DEPDC7: variants seen among roughly 807,000 people sequenced by gnomAD.
DEPDC7 encodes the protein DEP domain-containing protein 7.
DEPDC7 carries 41 observed loss-of-function variants against 56.6 expected under a neutral mutation model. The observed-to-expected ratio is 0.72, with a 90% CI of 0.56 to 0.94. The LOEUF is 0.94. DEPDC7 is among the 40% of genes least tolerant of loss of function. The pLI is 0.00. For missense variants in DEPDC7, 522 were observed against 596.3 expected, an observed-to-expected ratio of 0.88 and a Z score of 1.30; for synonymous variants, 185 against 208.8, an observed-to-expected ratio of 0.89 and a Z score of 0.98.
At position 33,027,689 on chromosome 11, in the gene DEPDC7, T is replaced by G. The variant is rs1408901618; in HGVS notation, c.468T>G (p.Tyr156Ter). The G allele has an allele frequency of 6.6e-6, 10 of 1,517,880 alleles. No individual in the cohort carries two copies. Among genetic ancestry groups the G allele is most frequent in the Non-Finnish European group, 8.8e-6 (10 of 1,140,624 alleles). 94.0% of individuals were successfully genotyped at this position (1,517,880 alleles called of 1,614,324 possible). The part of the protein sequence containing the change: ...KENKLYSPAR[Y>*]ADALFKSSDI... ...TTCTGAAATAAATTCATTTTAGGTA[T>G]GCAGATGCATTATTTAAGTCATCCG... Residue 156 changes from tyrosine to a stop codon, truncating the protein, a stop_gained, in exon 3 of 9, where the codon TAT becomes TAG. Coordinates refer to ENST00000241051, the MANE Select transcript of DEPDC7 (RefSeq NM_001077242.2). LOFTEE classifies it high-confidence loss of function.
intron 2 of DEPDC7, among the ~76,000 whole-genome samples, chr11:33,027,041 A>T (rs779018542): frequency 3.3e-5 from 5 of 152,206 alleles, no homozygotes; most frequent in Non-Finnish European, 7.3e-5. Context: ...GCAGGTCCAC[A>T]CACTTTATCT....
chr11:33,026,041 A>G lies in DEPDC7; in HGVS notation c.456A>G (p.Ser152=). Residue 152 remains serine (S), a synonymous_variant, in exon 2 of 9, where the codon TCA becomes TCG. Transcript: ENST00000241051. ...TAGGCAAAGAGAACAAACTATATTC[A>G]CCTGCCAGGTTGGTATATAATGTTA... ...SQLGKENKLY[S]PARYADALFK... The G allele has an allele frequency of 3.1e-6, 5 of 1,613,884 alleles. No homozygotes were observed. The highest frequency in any genetic ancestry group is 4.2e-6 in the Non-Finnish European group (5 of 1,180,006).
chr11:33,021,607 C>G (rs1387332566), intron 1 of DEPDC7, among the ~76,000 whole-genome samples: 1 of 152,170 alleles, frequency 6.6e-6, no homozygotes, highest in Non-Finnish European at 1.5e-5. Context: ...ATTTACTTGT[C>G]AAGTCCAGGG....
chr11:33,028,379 G>T, intron 3 of DEPDC7: 1 of 414,896 alleles, frequency 2.4e-6, no homozygotes, highest in Non-Finnish European at 4.2e-6. Context: ...GCTTTTTACA[G>T]TACAAAGAAT....
Position 33,032,399 on chromosome 11 carries a change from A to C in DEPDC7, c.1058A>C (p.Gln353Pro). 2 of 1,581,152 alleles carry C rather than the reference A, an allele frequency of 1.3e-6. No homozygotes were observed. The highest frequency in any genetic ancestry group is 1.7e-6 in the Non-Finnish European group (2 of 1,171,734). Residue 353 changes from glutamine to proline, a missense_variant, in exon 6 of 9, where the codon CAA becomes CCA. Physicochemically the swap from Gln to Pro is moderately conservative, Grantham distance 76. Transcript: ENST00000241051. ...CTCCTTCTAAAGCTTTTAGATTTCCAAAATAGAGAAGAATTTAGAAGACTA... is the reference window on the plus strand; with the variant it reads ...CTCCTTCTAAAGCTTTTAGATTTCCCAAATAGAGAAGAATTTAGAAGACTA... ...TQLLLKLLDF[Q>P]NREEFRRLLY...
chr11:33,031,208 A>T (rs1314181623), intron 4 of DEPDC7, among the ~76,000 whole-genome samples, 170 bp from the exon 5 acceptor site: 2 of 152,264 alleles, frequency 1.3e-5, no homozygotes, highest in Non-Finnish European at 1.5e-5. Context: ...GTGATACGTG[A>T]TCTAGCTATA....
At chr11:33,018,919 A>G (rs1853494271) in intron 1 of DEPDC7, among the ~76,000 whole-genome samples, 1 of 152,194 alleles carries the variant, frequency 6.6e-6, no homozygotes, top group Non-Finnish European at 1.5e-5. Flanking sequence ...ACATTTTGCG[A>G]GACACATTAA....
chr11:33,019,420 C>G (rs1201082783), intron 1 of DEPDC7, among the ~76,000 whole-genome samples: 1 of 151,940 alleles, frequency 6.6e-6, no homozygotes, highest in African/African-American at 2.4e-5. Context: ...AATGCCAGCA[C>G]TTTGGGAGGT....
chr11:33,027,494 A>G (rs1853590896), intron 2 of DEPDC7, among the ~76,000 whole-genome samples, 192 bp from the exon 3 acceptor site: 1 of 152,242 alleles, frequency 6.6e-6, no homozygotes, highest in South Asian at 2.1e-4. Flanking sequence ...GAAAATATTC[A>G]AAGGAGAACA....
At chr11:33,032,066 A>C (rs1342097124) in intron 5 of DEPDC7, among the ~76,000 whole-genome samples, 1 of 151,286 alleles carries the variant, frequency 6.6e-6, no homozygotes, top group Non-Finnish European at 1.5e-5. Flanking sequence ...AATTAATGAA[A>C]AACAGAATGG....
At position 33,026,812 on chromosome 11, in the gene DEPDC7, C is replaced by T. The variant is rs147992210; in HGVS notation, c.464+763C>T. ...TCTTTTCTTTTTTTTCCTGTGGAGA[C>T]GGAATCCCATTATGGTTCAAGACCA... On this transcript the variant is annotated intron_variant, in intron 2 of 8. Transcript: ENST00000241051. 1.0e-3 allele frequency: 152 copies of T among 145,774 alleles called. 1 individual carries two copies. Among genetic ancestry groups the T allele is most frequent in the African/African-American group, 4.2e-3 (147 of 35,188 alleles). The allele number at this position is 145,774 out of a possible 1,614,324, so 9.0% of individuals were successfully genotyped here. A position where few individuals can be genotyped will look rare whatever the true frequency, so the allele number is the denominator to read the frequency against.
intron 1 of DEPDC7, among the ~76,000 whole-genome samples, chr11:33,024,967 A>T (rs1853562585): frequency 6.6e-6 from 1 of 152,148 alleles, no homozygotes; most frequent in African/African-American, 2.4e-5. Context: ...AATGGAAATG[A>T]TACGTACCTC....
chr11:33,024,802 CTGTGTGTGTG>C lies in DEPDC7; in HGVS notation c.74-829_74-820del, dbSNP rs35371602. On this transcript the variant is annotated intron_variant, in intron 1 of 8. Transcript: ENST00000241051. ...AAATGTTGTTTTGTGATGCATGACT[CTGTGTGTGTG>C]TGTGTGTGTGTGTGTGTGTGTGTGT... Among the ~76,000 whole-genome samples the C allele has an allele frequency of 3.4e-3, 500 of 146,334 alleles. 1 individual carries two copies. The highest frequency in any genetic ancestry group is 4.5e-3 in the Non-Finnish European group (298 of 66,516).
chr11:33,033,040 T>C, intron 8 of DEPDC7, 73 bp downstream of exon 8: 2 of 1,255,276 alleles, frequency 1.6e-6, no homozygotes, highest in Admixed American at 2.3e-5. Context: ...TGTTTTGCTA[T>C]AAGTAGTTGG....
rs1853633496 is a variant in DEPDC7 at position 33,031,531 on chromosome 11, T to A, written c.936T>A (p.Ser312Arg). 6.2e-7 allele frequency: 1 copy of A among 1,614,016 alleles called. No homozygotes were observed. Among genetic ancestry groups the A allele is most frequent in the Non-Finnish European group, 8.5e-7 (1 of 1,179,986 alleles). The part of the protein sequence containing the change: ...LFDAIGRYYS[S>R]REPLLNHLSD... Reference sequence around the variant, plus strand: ...ATGCCATTGGCAGATATTACAGTAGTAGGGAACCTCTGTTAAATCACTTAT... The same window carrying A: ...ATGCCATTGGCAGATATTACAGTAGAAGGGAACCTCTGTTAAATCACTTAT... Residue 312 changes from serine to arginine, a missense_variant, in exon 5 of 9, where the codon AGT becomes AGA. Physicochemically the swap from Ser to Arg is moderately radical, Grantham distance 110. Coordinates refer to ENST00000241051, the MANE Select transcript of DEPDC7 (RefSeq NM_001077242.2).
chr11:33,033,216 T>A, intron 8 of DEPDC7, 46 bp from the exon 9 acceptor site: 1 of 1,355,248 alleles, frequency 7.4e-7, no homozygotes, highest in Non-Finnish European at 1.0e-6. Flanking sequence ...TGCTTAAATA[T>A]GAGGAATTGA....
intron 1 of DEPDC7, among the ~76,000 whole-genome samples, chr11:33,017,432 G>T (rs1009884342): frequency 6.6e-6 from 1 of 152,184 alleles, no homozygotes; most frequent in African/African-American, 2.4e-5. Context: ...CTTAGATGGT[G>T]TAAGGAAGTA....
At chr11:33,031,712 A>G (rs1056970599) in intron 5 of DEPDC7, 123 bp downstream of exon 5, 44 of 780,034 alleles carry the variant, frequency 5.6e-5, no homozygotes, top group Non-Finnish European at 6.5e-5. Flanking sequence ...TAATTCATGG[A>G]AAGTATGTTT....
intron 7 of DEPDC7, 28 bp downstream of exon 7, chr11:33,032,821 G>A (rs777069025): frequency 2.5e-5 from 39 of 1,591,114 alleles, no homozygotes; most frequent in Middle Eastern, 3.4e-4. Flanking sequence ...GTTAAATTGA[G>A]CTTATGTAAT....
Sources: gnomAD v4.1 joint callset for allele counts (sites outside exome capture counted in the v4.1 genomes callset) on GRCh38, gnomAD v4.1.1 for gene constraint, MANE v1.5 for transcripts, NCBI Gene and HGNC (gene_info 2026-07-23, HGNC 2026-07-21) for gene names.